The following LIFR variants were observed in gnomAD, a reference collection of about 807,000 sequenced individuals.
LIFR encodes leukemia inhibitory factor receptor.
LIFR carries 84 observed loss-of-function variants against 122.2 expected under a neutral mutation model. The ratio of observed to expected loss-of-function variants is 0.69; its 90% CI spans 0.58 to 0.82. The LOEUF is 0.82. Among genes scored for constraint, LIFR ranks in the 40% least tolerant of loss-of-function variants. LIFR has a pLI of 0.00. For missense variants in LIFR, 1,294 were observed against 1,311.6 expected, an observed-to-expected ratio of 0.99 and a Z score of 0.21; for synonymous variants, 422 against 434.7, an observed-to-expected ratio of 0.97 and a Z score of 0.36.
intron 7 of LIFR, 128 bp downstream of exon 7, chr5:38,510,336 T>A: frequency 1.1e-6 from 1 of 884,730 alleles, no homozygotes; most frequent in Non-Finnish European, 1.8e-6. Context: ...AGCCTTTATA[T>A]TAAAGAACAA....
Position 38,585,487 on chromosome 5 carries a change from A to G in LIFR, c.-20+9774T>C, listed in dbSNP as rs550741748. Reference sequence around the variant, plus strand: ...CTTAAAAAACATAATTTGGGCATAAAAGGGCTCCCAACGTTCAATGATCTC... The same window carrying G: ...CTTAAAAAACATAATTTGGGCATAAGAGGGCTCCCAACGTTCAATGATCTC... On this transcript the variant is annotated intron_variant, in intron 1 of 19. Coordinates refer to the LIFR transcript ENST00000263409. Among the ~76,000 whole-genome samples the G allele has an allele frequency of 2.6e-5, 4 of 152,324 alleles. No homozygotes were observed. The South Asian group carries it at 6.2e-4, about 24-fold the overall frequency.
chr5:38,477,423 A>G lies in LIFR; in HGVS notation c.*4172T>C. 1 of 212,910 alleles carries G rather than the reference A, an allele frequency of 4.7e-6. No individual in the cohort carries two copies. The highest frequency in any genetic ancestry group is 2.3e-5 in the African/African-American group (1 of 44,334). 13.2% of individuals were successfully genotyped at this position (212,910 alleles called of 1,614,324 possible). ...TTTCAGCAGGAAATAAAGACTTAAA[A>G]TAAATGCTTTCAAGAAATAGTTTAT... On this transcript the variant is annotated 3_prime_UTR_variant, in exon 20 of 20. Coordinates refer to ENST00000453190, the MANE Select transcript of LIFR (RefSeq NM_001127671.2).
At chr5:38,508,405 T>C (rs1293248175) in intron 7 of LIFR, among the ~76,000 whole-genome samples, 1 of 152,164 alleles carries the variant, frequency 6.6e-6, no homozygotes, top group South Asian at 2.1e-4. Context: ...TGTAGGGATA[T>C]ACCATGTTCA....
chr5:38,563,167 T>G (rs1454888149), intron 1 of LIFR, among the ~76,000 whole-genome samples: 5 of 152,188 alleles, frequency 3.3e-5, no homozygotes, highest in Non-Finnish European at 5.9e-5. Flanking sequence ...AGAAATCTTG[T>G]GTTTCAGGCT....
At chr5:38,530,691 T>C (rs1746959362) in intron 1 of LIFR, 25 bp from the exon 2 acceptor site, 1 of 1,605,582 alleles carries the variant, frequency 6.2e-7, no homozygotes, top group Non-Finnish European at 8.5e-7. Flanking sequence ...GAATTCCAGA[T>C]GGTGTTCAGA....
At chr5:38,551,400 T>C (rs974557248) in intron 1 of LIFR, among the ~76,000 whole-genome samples, 3 of 152,220 alleles carry the variant, frequency 2.0e-5, no homozygotes, top group Non-Finnish European at 4.4e-5. Context: ...GGTACAACAA[T>C]TCTGCCTGAA....
intron 1 of LIFR, among the ~76,000 whole-genome samples, chr5:38,585,908 T>C (rs1436885410): frequency 6.6e-6 from 1 of 152,150 alleles, no homozygotes; most frequent in Admixed American, 6.5e-5. Context: ...CTCTTCTTCA[T>C]CCACTCCCCA....
intron 14 of LIFR, among the ~76,000 whole-genome samples, chr5:38,491,862 C>A (rs1744610233): frequency 6.6e-6 from 1 of 152,200 alleles, no homozygotes; most frequent in Non-Finnish European, 1.5e-5. Context: ...GAAAGGTATG[C>A]TTGAGGTTAT....
chr5:38,538,025 C>T (rs1337769313), intron 1 of LIFR, among the ~76,000 whole-genome samples: 5 of 152,128 alleles, frequency 3.3e-5, no homozygotes, highest in African/African-American at 1.2e-4. Context: ...CCTGATGTTG[C>T]CTTCAAGTAC....
At chr5:38,574,174 C>T (rs1030487265) in intron 1 of LIFR, among the ~76,000 whole-genome samples, 1 of 151,994 alleles carries the variant, frequency 6.6e-6, no homozygotes, top group Admixed American at 6.6e-5. Context: ...CTTAAAAGCC[C>T]GGCCTGCCAC....
chr5:38,583,550 G>A (rs930935828), intron 1 of LIFR, among the ~76,000 whole-genome samples: 2 of 152,072 alleles, frequency 1.3e-5, no homozygotes, highest in South Asian at 2.1e-4. Flanking sequence ...TGCAAAACAC[G>A]TATCTGATAA....
At chr5:38,501,613 G>T (rs766962671) in intron 11 of LIFR, among the ~76,000 whole-genome samples, 3 of 152,006 alleles carry the variant, frequency 2.0e-5, no homozygotes, top group African/African-American at 7.2e-5. Flanking sequence ...TTAGCCGGGC[G>T]TGGTGGTGGG....
intron 16 of LIFR, among the ~76,000 whole-genome samples, chr5:38,487,564 T>C (rs1178258959): frequency 6.6e-6 from 1 of 152,204 alleles, no homozygotes; most frequent in Admixed American, 6.5e-5. Context: ...TCTTTGGCTC[T>C]ATATACAGTA....
At chr5:38,553,663 T>C (rs1276207832) in intron 1 of LIFR, among the ~76,000 whole-genome samples, 1 of 116,700 alleles carries the variant, frequency 8.6e-6, no homozygotes, top group East Asian at 3.4e-4. Context: ...TATATATATA[T>C]ATATATATAT....
chr5:38,573,859 C>G (rs1433119661), intron 1 of LIFR, among the ~76,000 whole-genome samples: 1 of 152,142 alleles, frequency 6.6e-6, no homozygotes, highest in Admixed American at 6.5e-5. Context: ...TGGCTCACAC[C>G]TGTAATCTCA....
intron 1 of LIFR, among the ~76,000 whole-genome samples, chr5:38,563,631 T>C (rs1013937462): frequency 1.3e-5 from 2 of 152,192 alleles, no homozygotes; most frequent in African/African-American, 4.8e-5. Context: ...CTAGAAAACA[T>C]TGAACATTTA....
At chr5:38,601,895 T>A (rs1031934339) in intron 2 of LIFR, among the ~76,000 whole-genome samples, 2 of 152,212 alleles carry the variant, frequency 1.3e-5, no homozygotes, top group Admixed American at 1.3e-4. Flanking sequence ...CTCCCCAAGC[T>A]GACTCTGTTC....
intron 14 of LIFR, among the ~76,000 whole-genome samples, chr5:38,491,720 T>C (rs1744603468): frequency 6.6e-6 from 1 of 152,238 alleles, no homozygotes; most frequent in Non-Finnish European, 1.5e-5. Context: ...AATCAACTTG[T>C]CTAAAATATT....
intron 2 of LIFR, among the ~76,000 whole-genome samples, chr5:38,605,908 C>A (rs1438859252): frequency 6.6e-6 from 1 of 152,180 alleles, no homozygotes; most frequent in Non-Finnish European, 1.5e-5. Flanking sequence ...TGTCTCATGT[C>A]TTCCTAAAAT....
Sources: gnomAD v4.1 joint callset for allele counts (sites outside exome capture counted in the v4.1 genomes callset) on GRCh38, gnomAD v4.1.1 for gene constraint, MANE v1.5 for transcripts, NCBI Gene and HGNC (gene_info 2026-07-23, HGNC 2026-07-21) for gene names.